The following LINGO2 variants were observed in gnomAD, a reference collection of about 807,000 sequenced individuals.
The protein encoded by LINGO2 is leucine-rich repeat and immunoglobulin-like domain-containing nogo receptor-interacting protein 2.
Under a neutral mutation model 30.6 loss-of-function variants are expected in LINGO2, and 14 were observed. The observed-to-expected ratio is 0.46, with a 90% CI of 0.30 to 0.72. The LOEUF (loss-of-function observed/expected upper bound fraction) is 0.72, where lower values mean the gene tolerates loss of function less well. LINGO2 is among the 30% of genes least tolerant of loss of function. The pLI is 0.07. For missense variants in LINGO2, 729 were observed against 751.7 expected (o/e 0.97, Z 0.35); for synonymous variants, 317 against 288.5 (o/e 1.10, Z -1.00).
At chr9:28,666,329 A>AAT (rs1303943102) in intron 1 of LINGO2, among the ~76,000 whole-genome samples, 1 of 152,160 alleles carries the variant, frequency 6.6e-6, no homozygotes, top group Non-Finnish European at 1.5e-5. Flanking sequence ...TACAAATGGA[A>AAT]ATATATATAA....
the LINGO2 span, among the ~76,000 whole-genome samples, chr9:28,832,301 C>A: frequency 1.3e-5 from 2 of 152,142 alleles, no homozygotes; most frequent in South Asian, 4.1e-4. Context: ...TACTTCACTG[C>A]TGATGACAGT....
At chr9:28,463,831 G>GA (rs1337078487) in intron 2 of LINGO2, among the ~76,000 whole-genome samples, 2 of 152,054 alleles carry the variant, frequency 1.3e-5, no homozygotes, top group Non-Finnish European at 1.5e-5. Context: ...CATTTGGCAG[G>GA]AAAAAATATC....
chr9:29,074,798 G>C, the LINGO2 span, among the ~76,000 whole-genome samples: 1 of 148,112 alleles, frequency 6.8e-6, no homozygotes, highest in Non-Finnish European at 1.5e-5. Context: ...CTCCCGAGTA[G>C]CTGGGACTAT....
intron 5 of LINGO2, among the ~76,000 whole-genome samples, chr9:27,957,851 C>A (rs1173583099): frequency 6.6e-6 from 1 of 152,136 alleles, no homozygotes; most frequent in Non-Finnish European, 1.5e-5. Flanking sequence ...GTTGTACGAG[C>A]TTCTTATCTT....
intron 4 of LINGO2, among the ~76,000 whole-genome samples, chr9:28,165,719 C>T (rs751533282): frequency 1.4e-4 from 22 of 152,084 alleles, no homozygotes; most frequent in Admixed American, 2.6e-4. Context: ...GGCTTCCTTC[C>T]GCTCAATTAT....
the LINGO2 span, among the ~76,000 whole-genome samples, chr9:29,191,879 T>C: frequency 6.6e-6 from 1 of 152,268 alleles, no homozygotes; most frequent in African/African-American, 2.4e-5. Context: ...ACGAACCTGA[T>C]CATATCTCTT....
chr9:28,023,144 CTG>C (rs1823217251), intron 4 of LINGO2, among the ~76,000 whole-genome samples: 1 of 152,088 alleles, frequency 6.6e-6, no homozygotes, highest in African/African-American at 2.4e-5. Flanking sequence ...ATTTGAAAAT[CTG>C]TGTCACAGAA....
chr9:28,362,223 TGTGTGTGCGCATGCGCATGTGTGTGCAC>T (rs1820476185), intron 3 of LINGO2, among the ~76,000 whole-genome samples: 1 of 151,974 alleles, frequency 6.6e-6, no homozygotes, highest in African/African-American at 2.4e-5. Context: ...TATGTGTGTG[TGTGTGTGCGCATGCGCATGTGTGTGCAC>T]GTGTGTGTGT....
At chr9:28,213,460 AGCCAGCAT>A (rs1377478850) in intron 4 of LINGO2, among the ~76,000 whole-genome samples, 1 of 151,532 alleles carries the variant, frequency 6.6e-6, no homozygotes, top group Non-Finnish European at 1.5e-5. Flanking sequence ...AATTGAAATA[AGCCAGCAT>A]GCCTTTCTTC....
chr9:28,681,921 G>C, the LINGO2 span, among the ~76,000 whole-genome samples: 1 of 152,022 alleles, frequency 6.6e-6, no homozygotes, highest in African/African-American at 2.4e-5. Context: ...TAGTCTAAAT[G>C]GACCCATAAA....
intron 1 of LINGO2, among the ~76,000 whole-genome samples, chr9:28,560,341 G>A (rs1054631712): frequency 6.6e-6 from 1 of 152,042 alleles, no homozygotes; most frequent in Non-Finnish European, 1.5e-5. Flanking sequence ...ATCAGTTGAA[G>A]GATTAGGAAA....
the LINGO2 span, among the ~76,000 whole-genome samples, chr9:29,005,279 C>T: frequency 6.6e-6 from 1 of 151,640 alleles, no homozygotes; most frequent in African/African-American, 2.4e-5. Flanking sequence ...TCAGGGTTAC[C>T]TTCCAAAAGT....
intron 1 of LINGO2, among the ~76,000 whole-genome samples, chr9:28,585,191 C>A (rs1824467026): frequency 6.6e-6 from 1 of 152,160 alleles, no homozygotes. Context: ...TTTTTAAAAT[C>A]TCAGTGTATG....
chr9:28,013,940 T>C (rs888971244), intron 4 of LINGO2, among the ~76,000 whole-genome samples: 1 of 152,164 alleles, frequency 6.6e-6, no homozygotes, highest in African/African-American at 2.4e-5. Context: ...CTTTCTGCAG[T>C]TCCTAGAAAG....
intron 4 of LINGO2, among the ~76,000 whole-genome samples, chr9:28,062,814 G>C (rs987081790): frequency 6.6e-6 from 1 of 151,290 alleles, no homozygotes; most frequent in South Asian, 2.1e-4. Context: ...TACGTTCATA[G>C]AGGTGTGCAA....
At position 28,351,554 on chromosome 9, in the gene LINGO2, C is replaced by T. The variant is rs1362448800; in HGVS notation, c.-246+21282G>A. ...GTCCAGGACCAGATGGATTCACAGCCGAATTCTACCAGAGGTACAAGGAGG... is the reference window on the plus strand; with the variant it reads ...GTCCAGGACCAGATGGATTCACAGCTGAATTCTACCAGAGGTACAAGGAGG... On this transcript the variant is annotated intron_variant, in intron 3 of 5. Transcript: ENST00000379992. Among the ~76,000 whole-genome samples the T allele has an allele frequency of 3.1e-3, 452 of 143,676 alleles. 1 individual carries two copies. The highest frequency in any genetic ancestry group is 0.011 in the African/African-American group (431 of 38,470). 94.3% of individuals were successfully genotyped at this position (143,676 alleles called of 152,430 possible). A position where few individuals can be genotyped will look rare whatever the true frequency, so the allele number is the denominator to read the frequency against.
intron 4 of LINGO2, among the ~76,000 whole-genome samples, chr9:28,111,306 T>TA (rs1826780845): frequency 1.3e-5 from 2 of 151,888 alleles, no homozygotes; most frequent in African/African-American, 4.8e-5. Flanking sequence ...AAACTCTAGA[T>TA]AATGGATTGA....
intron 4 of LINGO2, among the ~76,000 whole-genome samples, chr9:28,051,008 G>A (rs1434401460): frequency 6.6e-6 from 1 of 150,942 alleles, no homozygotes; most frequent in Non-Finnish European, 1.5e-5. Context: ...AAGGATGGTT[G>A]AAACAAAGTT....
intron 1 of LINGO2, among the ~76,000 whole-genome samples, chr9:28,634,962 A>G (rs2135901895): frequency 6.6e-6 from 1 of 152,310 alleles, no homozygotes; most frequent in Non-Finnish European, 1.5e-5. Flanking sequence ...TCTAGTTGAA[A>G]CATTAGAGAT....
Sources: allele counts gnomAD v4.1 joint callset (sites outside exome capture counted in the v4.1 genomes callset), GRCh38; gene constraint gnomAD v4.1.1; transcripts MANE v1.5; gene names NCBI Gene and HGNC (gene_info 2026-07-23, HGNC 2026-07-21).